The following SLC25A13 variants were observed in gnomAD, a reference collection of about 807,000 sequenced individuals.
SLC25A13 encodes the protein electrogenic aspartate/glutamate antiporter SLC25A13, mitochondrial.
In SLC25A13, 70 loss-of-function variants were observed where a neutral mutation model predicts 85.5. The observed-to-expected ratio is 0.82, with a 90% confidence interval of 0.68 to 1.00. The LOEUF is 1.00. Among genes scored for constraint, SLC25A13 ranks in the 50% least tolerant of loss-of-function variants. The probability of loss-of-function intolerance (pLI) is 0.00; values close to 1 mark genes in which losing one functional copy is unlikely to be tolerated. For synonymous variants in SLC25A13, 259 were observed against 288.7 expected, an observed-to-expected ratio of 0.90 and a Z score of 1.04; for missense variants, 765 against 819.8, an observed-to-expected ratio of 0.93 and a Z score of 0.82.
chr7:96,322,014 G>T lies in SLC25A13; in HGVS notation c.-58C>A, dbSNP rs757777612. On this transcript the variant is annotated 5_prime_UTR_variant, in exon 1 of 18. Transcript: ENST00000265631. ...CACTGACTGGCTGGCTGGCGTTTGG[G>T]ACCCGGGCGGCTCACTTCTAGTCCC... The T allele has an allele frequency of 1.3e-6, 2 of 1,530,576 alleles. No homozygotes were observed. Among genetic ancestry groups the T allele is most frequent in the Non-Finnish European group, 1.8e-6 (2 of 1,139,042 alleles). 94.8% of individuals were successfully genotyped at this position (1,530,576 alleles called of 1,614,324 possible).
In SLC25A13 at chr7:96,208,257, G is replaced by A. The variant is rs140935825; in HGVS notation, c.468+581C>T. Among the ~76,000 whole-genome samples, 10 of 152,148 alleles carry A rather than the reference G, an allele frequency of 6.6e-5. No homozygotes were observed. The East Asian group carries it at 1.2e-3, about 18-fold the overall frequency. On this transcript the variant is annotated intron_variant, in intron 5 of 17. Coordinates refer to ENST00000265631, the MANE Select transcript of SLC25A13 (RefSeq NM_014251.3). ...CCTTGAGAAAATCACTTGATTTCCC[G>A]GGGCCTCAATGTGTATTCCTTCTAA...
intron 3 of SLC25A13, among the ~76,000 whole-genome samples, chr7:96,255,305 C>T (rs866464530): frequency 1.3e-5 from 2 of 152,158 alleles, no homozygotes; most frequent in African/African-American, 4.8e-5. Flanking sequence ...AAAATCAAAA[C>T]AATAAAATTA....
At chr7:96,290,190 A>G (rs1015897973) in intron 2 of SLC25A13, among the ~76,000 whole-genome samples, 9 of 152,210 alleles carry the variant, frequency 5.9e-5, no homozygotes. Context: ...TCATAAGTGA[A>G]GGAGAAATAA....
chr7:96,185,004 G>A lies in SLC25A13; in HGVS notation c.941C>T (p.Ser314Leu), dbSNP rs1479782034. ...NLAEAQRQKASGDSARPVLLQ... is the reference protein window; with the variant it reads ...NLAEAQRQKALGDSARPVLLQ... ...AAGAACTGGTCGAGCTGAATCACCT[G>A]AGGCCTTCTGCTTTGCATGCACAGG... The change falls in exon 10 of 18, where the codon TCA becomes TTA. Residue 314 changes from serine to leucine, a missense_variant. Coordinates refer to ENST00000265631, the MANE Select transcript of SLC25A13 (RefSeq NM_014251.3). 3 of 1,613,896 alleles carry A rather than the reference G, an allele frequency of 1.9e-6. No homozygotes were observed. In the Admixed American group the frequency reaches 5.0e-5, roughly 27 times the overall value.
At chr7:96,253,724 G>A (rs1797522046) in intron 3 of SLC25A13, among the ~76,000 whole-genome samples, 2 of 152,256 alleles carry the variant, frequency 1.3e-5, no homozygotes, top group South Asian at 4.1e-4. Context: ...AGGAGCAAGT[G>A]AGACGGTATT....
intron 3 of SLC25A13, among the ~76,000 whole-genome samples, chr7:96,272,140 G>A (rs557832879): frequency 1.8e-4 from 28 of 152,174 alleles, no homozygotes; most frequent in African/African-American, 6.3e-4. Flanking sequence ...CGCCTGCCTC[G>A]GCATCCCAAA....
chr7:96,184,786 C>T, intron 10 of SLC25A13, 141 bp downstream of exon 10: 1 of 768,474 alleles, frequency 1.3e-6, no homozygotes, highest in South Asian at 1.5e-5. Context: ...TTACTCTTGC[C>T]CTACCTCACA....
chr7:96,250,724 G>C lies in SLC25A13; in HGVS notation c.213-15807C>G, dbSNP rs915453461. Among the ~76,000 whole-genome samples the C allele has an allele frequency of 4.2e-5, 4 of 94,766 alleles. No homozygotes were observed. In the East Asian group the frequency reaches 8.7e-4, roughly 21 times the overall value. The allele number at this position is 94,766 out of a possible 152,430, so 62.2% of individuals were successfully genotyped here. A position where few individuals can be genotyped will look rare whatever the true frequency, so the allele number is the denominator to read the frequency against. ...GGAGAAGAAAAAAGATTTGCTAAAA[G>C]TTTTAGACCTGTTACAAAAAAAAAA... is the stretch of plus-strand genomic sequence containing the variant. On this transcript the variant is annotated intron_variant, in intron 3 of 17. Coordinates refer to ENST00000265631, the MANE Select transcript of SLC25A13 (RefSeq NM_014251.3).
chr7:96,312,596 C>T (rs1799989637), intron 1 of SLC25A13, among the ~76,000 whole-genome samples: 1 of 149,040 alleles, frequency 6.7e-6, no homozygotes. Flanking sequence ...AGTAGCTTAC[C>T]TGTTTTTGGA....
At chr7:96,204,284 G>A (rs1247184423) in intron 5 of SLC25A13, among the ~76,000 whole-genome samples, 8 of 152,082 alleles carry the variant, frequency 5.3e-5, no homozygotes, top group Admixed American at 5.2e-4. Context: ...TTTTTTGAAA[G>A]TGACTCAGTA....
chr7:96,135,079 A>G lies in SLC25A13; in HGVS notation c.1453-3198T>C, dbSNP rs556932113. On this transcript the variant is annotated intron_variant, in intron 14 of 17. Transcript: ENST00000265631. ...AGCACCTGTAGAAATCAAGCTCTTA[A>G]GCTTCCTCACCTGTCAAAAATACCA... 2.6e-3 allele frequency among the ~76,000 whole-genome samples: 391 copies of G among 152,266 alleles called. 2 individuals carry two copies. Among genetic ancestry groups the G allele is most frequent in the Non-Finnish European group, 4.5e-3 (308 of 68,014 alleles).
chr7:96,248,499 T>C (rs1012559541), intron 3 of SLC25A13, among the ~76,000 whole-genome samples: 2 of 152,180 alleles, frequency 1.3e-5, no homozygotes, highest in Non-Finnish European at 2.9e-5. Context: ...GTGGAATTTT[T>C]TTTCTTTTTC....
At chr7:96,134,565 A>C (rs1792182410) in intron 14 of SLC25A13, among the ~76,000 whole-genome samples, 2 of 151,936 alleles carry the variant, frequency 1.3e-5, no homozygotes, top group African/African-American at 2.4e-5. Flanking sequence ...GGAAGAGTAA[A>C]GGCACATGAA....
chr7:96,250,471 G>A (rs573307482), intron 3 of SLC25A13, among the ~76,000 whole-genome samples: 1 of 152,320 alleles, frequency 6.6e-6, no homozygotes, highest in Admixed American at 6.5e-5. Flanking sequence ...ACATAAATGA[G>A]CGAGGACATG....
At chr7:96,184,754 AG>A (rs1794559350) in intron 10 of SLC25A13, among the ~76,000 whole-genome samples, 172 bp downstream of exon 10, 1 of 152,242 alleles carries the variant, frequency 6.6e-6, no homozygotes, top group African/African-American at 2.4e-5. Flanking sequence ...GATCACATGC[AG>A]GTATGGGAAA....
intron 15 of SLC25A13, among the ~76,000 whole-genome samples, chr7:96,125,857 G>T (rs1562777903): frequency 6.6e-6 from 1 of 150,894 alleles, no homozygotes; most frequent in African/African-American, 2.4e-5. Flanking sequence ...AATTATGGCA[G>T]TTCTTCTATT....
intron 13 of SLC25A13, among the ~76,000 whole-genome samples, chr7:96,169,519 A>C (rs1793911973): frequency 6.6e-6 from 1 of 152,178 alleles, no homozygotes; most frequent in South Asian, 2.1e-4. Context: ...CATCCATATA[A>C]GGAAACAATC....
At chr7:96,313,929 G>C (rs1554387591) in intron 1 of SLC25A13, among the ~76,000 whole-genome samples, 2 of 152,128 alleles carry the variant, frequency 1.3e-5, no homozygotes, top group Non-Finnish European at 2.9e-5. Context: ...ACAGGGAAGG[G>C]AAAAACACTA....
At position 96,322,025 on chromosome 7, in the gene SLC25A13, C is replaced by G. The variant is rs758050100; in HGVS notation, c.-69G>C. On this transcript the variant is annotated 5_prime_UTR_variant, in exon 1 of 18. Coordinates refer to ENST00000265631, the MANE Select transcript of SLC25A13 (RefSeq NM_014251.3). ...TGGCTGGCGTTTGGGACCCGGGCGGCTCACTTCTAGTCCCGGCGGCGGCGG... is the reference window on the plus strand; with the variant it reads ...TGGCTGGCGTTTGGGACCCGGGCGGGTCACTTCTAGTCCCGGCGGCGGCGG... 2 of 1,528,128 alleles carry G rather than the reference C, an allele frequency of 1.3e-6. No homozygotes were observed. Among genetic ancestry groups the G allele is most frequent in the East Asian group, 2.6e-5 (1 of 38,620 alleles). The allele number at this position is 1,528,128 out of a possible 1,614,324, so 94.7% of individuals were successfully genotyped here. A position where few individuals can be genotyped will look rare whatever the true frequency, so the allele number is the denominator to read the frequency against.
Sources: gnomAD v4.1 joint callset for allele counts (sites outside exome capture counted in the v4.1 genomes callset) on GRCh38, gnomAD v4.1.1 for gene constraint, MANE v1.5 for transcripts, NCBI Gene and HGNC (gene_info 2026-07-23, HGNC 2026-07-21) for gene names.